ATPSCKMT: variants seen among roughly 807,000 people sequenced by gnomAD.
ATPSCKMT encodes the protein ATP synthase subunit C lysine N-methyltransferase.
In ATPSCKMT, 24 loss-of-function variants were observed where a neutral mutation model predicts 24.3. That is an observed-to-expected ratio of 0.99 (90% CI 0.71 to 1.39). The LOEUF (loss-of-function observed/expected upper bound fraction) is 1.39. Among genes scored for constraint, ATPSCKMT ranks in the 40% most tolerant of loss-of-function variants. The pLI, the probability that ATPSCKMT is intolerant of heterozygous loss-of-function variation, is 0.00. For missense variants in ATPSCKMT, 311 were observed against 298.4 expected (o/e 1.04, Z -0.31); for synonymous variants, 95 against 110.5 (o/e 0.86, Z 0.88).
chr5:10,244,206 C>T (rs534628453), intron 1 of ATPSCKMT, among the ~76,000 whole-genome samples: 2 of 152,242 alleles, frequency 1.3e-5, no homozygotes, highest in South Asian at 2.1e-4. Flanking sequence ...AGCCCCAAAA[C>T]ATTTACAATA....
intron 2 of ATPSCKMT, among the ~76,000 whole-genome samples, chr5:10,237,868 T>A (rs1318282576): frequency 6.6e-6 from 1 of 152,162 alleles, no homozygotes; most frequent in African/African-American, 2.4e-5. Flanking sequence ...TGCCTCAGCC[T>A]CCTGAGTAGC....
Position 10,226,262 on chromosome 5 carries a change from A to C in ATPSCKMT, c.*1179T>G, listed in dbSNP as rs1363021018. 3.3e-5 allele frequency: 5 copies of C among 152,360 alleles called. 1 individual carries two copies. The allele number at this position is 152,360 out of a possible 1,614,324, so 9.4% of individuals were successfully genotyped here. A position where few individuals can be genotyped will look rare whatever the true frequency, so the allele number is the denominator to read the frequency against. On this transcript the variant is annotated 3_prime_UTR_variant, in exon 5 of 5. Transcript: ENST00000511437. ...AGAGCTTCTTCTACAGTAGATACTG[A>C]ATACATATTTGTTGAATGAATGAAT...
rs1744932601 is a variant in ATPSCKMT at position 10,246,448 on chromosome 5, A to C, written c.16+3410T>G. 4.5e-5 allele frequency among the ~76,000 whole-genome samples: 3 copies of C among 66,212 alleles called. No individual in the cohort carries two copies. The South Asian group carries it at 1.1e-3, about 25-fold the overall frequency. 43.4% of individuals were successfully genotyped at this position (66,212 alleles called of 152,430 possible). A position where few individuals can be genotyped will look rare whatever the true frequency, so the allele number is the denominator to read the frequency against. ...ACAGAACAAGACCCTGTCTCTCAAA[A>C]AAAAGAAAGAAAAAAAAAAAAAAAG... On this transcript the variant is annotated intron_variant, in intron 1 of 4. Coordinates refer to ENST00000511437, the MANE Select transcript of ATPSCKMT (RefSeq NM_199133.4).
intron 4 of ATPSCKMT, among the ~76,000 whole-genome samples, chr5:10,232,422 C>G (rs1221841368): frequency 6.6e-6 from 1 of 152,216 alleles, no homozygotes; most frequent in Non-Finnish European, 1.5e-5. Context: ...GTCCCTGCCC[C>G]TGAGCTGATG....
At chr5:10,246,681 A>G (rs1342954878) in intron 1 of ATPSCKMT, among the ~76,000 whole-genome samples, 3 of 152,244 alleles carry the variant, frequency 2.0e-5, no homozygotes, top group Non-Finnish European at 4.4e-5. Flanking sequence ...TTAAACAAAC[A>G]CAAGTCAGAT....
intron 3 of ATPSCKMT, among the ~76,000 whole-genome samples, chr5:10,235,549 G>A (rs1286518498): frequency 4.6e-5 from 7 of 152,282 alleles, no homozygotes; most frequent in Middle Eastern, 3.4e-3. Flanking sequence ...GTGGTCATGC[G>A]TCAGACAGCT....
At chr5:10,230,262 T>G (rs976849417) in intron 4 of ATPSCKMT, among the ~76,000 whole-genome samples, 1 of 90,872 alleles carries the variant, frequency 1.1e-5, no homozygotes, top group Non-Finnish European at 2.6e-5. Context: ...TAACAGCCAG[T>G]ATAGATTAAA....
At chr5:10,240,131 G>A (rs1418722878) in intron 1 of ATPSCKMT, among the ~76,000 whole-genome samples, 3 of 151,694 alleles carry the variant, frequency 2.0e-5, no homozygotes, top group African/African-American at 4.8e-5. Flanking sequence ...CTACTCAGGA[G>A]GCTGAGGCAG....
At chr5:10,238,523 C>T (rs1744476989) in intron 2 of ATPSCKMT, among the ~76,000 whole-genome samples, 1 of 152,178 alleles carries the variant, frequency 6.6e-6, no homozygotes, top group Admixed American at 6.5e-5. Flanking sequence ...GAGGAACCTG[C>T]TCTGAGACAC....
intron 2 of ATPSCKMT, 68 bp downstream of exon 2, chr5:10,238,999 C>T: frequency 6.5e-7 from 1 of 1,534,966 alleles, no homozygotes; most frequent in Non-Finnish European, 8.8e-7. Flanking sequence ...TTGTGTAAGC[C>T]TTACTAAATG....
In ATPSCKMT at chr5:10,226,074, C is replaced by A. The variant is rs1743865136; in HGVS notation, c.*1367G>T. Among the ~76,000 whole-genome samples, 1 of 152,160 alleles carries A rather than the reference C, an allele frequency of 6.6e-6. No homozygotes were observed. Among genetic ancestry groups the A allele is most frequent in the African/African-American group, 2.4e-5 (1 of 41,438 alleles). On this transcript the variant is annotated 3_prime_UTR_variant, in exon 5 of 5. Transcript: ENST00000511437. ...GGCTGAAGTCCACAACATCACATCC[C>A]CTCATCTCAGACTCACACAGGTGCT...
intron 1 of ATPSCKMT, among the ~76,000 whole-genome samples, chr5:10,247,469 T>C (rs898217984): frequency 6.6e-6 from 1 of 152,200 alleles, no homozygotes; most frequent in Admixed American, 6.5e-5. Flanking sequence ...GCCTCCCAGG[T>C]AGCTGGGACT....
chr5:10,232,144 G>GTGAGCCAAGATCACGCT (rs1744168101), intron 4 of ATPSCKMT, among the ~76,000 whole-genome samples: 1 of 152,138 alleles, frequency 6.6e-6, no homozygotes, highest in Admixed American at 6.5e-5. Flanking sequence ...TGGGGCTGCA[G>GTGAGCCAAGATCACGCT]TGAGCCAAGA....
rs1055666456 is a variant in ATPSCKMT at position 10,227,381 on chromosome 5, G to A, written c.*60C>T. ...ATGCTCCTTTGCTAAGGACACAGCT[G>A]TAAGTCTCTACAAGATCAGGGAAGA... is the stretch of plus-strand genomic sequence containing the variant. On this transcript the variant is annotated 3_prime_UTR_variant, in exon 5 of 5. Transcript: ENST00000511437. 1.2e-5 allele frequency: 19 copies of A among 1,551,758 alleles called. No individual in the cohort carries two copies. Among genetic ancestry groups the A allele is most frequent in the African/African-American group, 9.5e-5 (7 of 73,830 alleles).
In ATPSCKMT at chr5:10,227,357, T is replaced by A; in HGVS notation, c.*84A>T. On this transcript the variant is annotated 3_prime_UTR_variant, in exon 5 of 5. Coordinates refer to ENST00000511437, the MANE Select transcript of ATPSCKMT (RefSeq NM_199133.4). Reference sequence around the variant, plus strand: ...TCTCATTCCAAACCAAAGACAATTATGCTCCTTTGCTAAGGACACAGCTGT... The same window carrying A: ...TCTCATTCCAAACCAAAGACAATTAAGCTCCTTTGCTAAGGACACAGCTGT... The A allele has an allele frequency of 7.2e-7, 1 of 1,394,604 alleles. No homozygotes were observed. Among genetic ancestry groups the A allele is most frequent in the Non-Finnish European group, 1.0e-6 (1 of 1,000,726 alleles). The allele number at this position is 1,394,604 out of a possible 1,614,324, so 86.4% of individuals were successfully genotyped here. A position where few individuals can be genotyped will look rare whatever the true frequency, so the allele number is the denominator to read the frequency against.
rs140073596 is a variant in ATPSCKMT, at chr5:10,236,515, T to G, written c.407A>C (p.His136Pro). Residue 136 changes from histidine (H) to proline (P), a missense_variant, in exon 3 of 5, where the codon CAT becomes CCT. His to Pro is a moderately conservative substitution (Grantham distance 77). Coordinates refer to ENST00000511437, the MANE Select transcript of ATPSCKMT (RefSeq NM_199133.4). ...SRYRAWREGV[H>P]GSAKFYISDL... ...TGAAATATAAAATTTGGCAGATCCA[T>G]GCACACCTTCTCGCCAAGCGCGGTA... is the stretch of plus-strand genomic sequence containing the variant. 3.0e-5 allele frequency: 48 copies of G among 1,614,254 alleles called. No individual in the cohort carries two copies. The East Asian group carries it at 1.1e-3, about 36-fold the overall frequency.
chr5:10,232,432 G>C (rs1296382398), intron 4 of ATPSCKMT, among the ~76,000 whole-genome samples: 2 of 152,216 alleles, frequency 1.3e-5, no homozygotes, highest in Non-Finnish European at 2.9e-5. Context: ...CTGAGCTGAT[G>C]GTGCAGTGCA....
intron 2 of ATPSCKMT, chr5:10,237,018 T>C (rs536621227): frequency 2.3e-6 from 3 of 1,296,900 alleles, no homozygotes; most frequent in Non-Finnish European, 3.0e-6. Context: ...TGTGAACAAG[T>C]AATAATATGC....
At position 10,248,707 on chromosome 5, in the gene ATPSCKMT, G is replaced by C. The variant is rs144623457; in HGVS notation, c.16+1151C>G. On this transcript the variant is annotated intron_variant, in intron 1 of 4. Coordinates refer to ENST00000511437, the MANE Select transcript of ATPSCKMT (RefSeq NM_199133.4). ...GAACACAGTCGCCAAGTCTGTTCTT[G>C]AGTTTCAGGACAGGGTCAAATGTTA... 4.6e-5 allele frequency among the ~76,000 whole-genome samples: 7 copies of C among 152,356 alleles called. No homozygotes were observed. The East Asian group carries it at 1.3e-3, about 29-fold the overall frequency.
Sources: allele counts gnomAD v4.1 joint callset (sites outside exome capture counted in the v4.1 genomes callset), GRCh38; gene constraint gnomAD v4.1.1; transcripts MANE v1.5; gene names NCBI Gene and HGNC (gene_info 2026-07-23, HGNC 2026-07-21).